The following TSHR variants were observed in gnomAD, a reference collection of about 807,000 sequenced individuals.
The protein encoded by TSHR is thyrotropin receptor.
TSHR carries 51 observed loss-of-function variants against 64.1 expected under a neutral mutation model. That is an observed-to-expected ratio of 0.80 (90% CI 0.64 to 1.01). TSHR has a LOEUF of 1.01. Among genes scored for constraint, TSHR ranks in the 50% least tolerant of loss-of-function variants. The pLI is 0.00. For missense variants in TSHR, 877 were observed against 942.8 expected (o/e 0.93, Z 0.91); for synonymous variants, 361 against 361.9 (o/e 1.00, Z 0.03).
chr14:81,068,904 T>C (rs1886856130), intron 3 of TSHR, among the ~76,000 whole-genome samples: 1 of 152,206 alleles, frequency 6.6e-6, no homozygotes, highest in African/African-American at 2.4e-5. Flanking sequence ...TATGGAATTA[T>C]ATAATATCTA....
chr14:81,053,392 A>G (rs1200817280), intron 1 of TSHR: 1 of 152,230 alleles, frequency 6.6e-6, no homozygotes, highest in East Asian at 1.9e-4. Context: ...TTCATATCCC[A>G]TGACCCAATC....
intron 7 of TSHR, 38 bp from the exon 8 acceptor site, chr14:81,108,337 A>G: frequency 1.7e-6 from 2 of 1,176,986 alleles, no homozygotes; most frequent in East Asian, 2.4e-5. Context: ...AAAATCACCT[A>G]ATTCATTCTC....
intron 3 of TSHR, chr14:81,087,733 C>T (rs186360396): frequency 2.3e-4 from 134 of 590,234 alleles, no homozygotes; most frequent in African/African-American, 2.1e-3. Context: ...GAAACCAAGC[C>T]AACAATGCAA....
At chr14:81,092,133 C>T (rs1408997721) in intron 5 of TSHR, among the ~76,000 whole-genome samples, 2 of 152,218 alleles carry the variant, frequency 1.3e-5, no homozygotes, top group Non-Finnish European at 2.9e-5. Flanking sequence ...TAGAAATACT[C>T]ATTAAATGAA....
chr14:81,082,233 A>C (rs534189874), intron 3 of TSHR, among the ~76,000 whole-genome samples: 1 of 152,354 alleles, frequency 6.6e-6, no homozygotes, highest in South Asian at 2.1e-4. Flanking sequence ...AAGTACAAAG[A>C]AAGTCATAAG....
At chr14:81,115,947 G>C (rs886423562) in intron 8 of TSHR, among the ~76,000 whole-genome samples, 2 of 152,044 alleles carry the variant, frequency 1.3e-5, no homozygotes, top group African/African-American at 2.4e-5. Context: ...ATAAGTGAAG[G>C]AGAAATAAAA....
At chr14:81,073,523 G>T (rs1887271875) in intron 3 of TSHR, among the ~76,000 whole-genome samples, 1 of 152,034 alleles carries the variant, frequency 6.6e-6, no homozygotes, top group Admixed American at 6.6e-5. Context: ...AAATCACCAT[G>T]TTCTCTAACT....
At chr14:81,112,827 C>T (rs1196334659) in intron 8 of TSHR, among the ~76,000 whole-genome samples, 3 of 152,158 alleles carry the variant, frequency 2.0e-5, no homozygotes, top group Non-Finnish European at 2.9e-5. Flanking sequence ...CAAAGACCCC[C>T]AGGTGAGAAT....
At chr14:81,091,431 T>A (rs139843576) in intron 5 of TSHR, among the ~76,000 whole-genome samples, 1 of 152,208 alleles carries the variant, frequency 6.6e-6, no homozygotes, top group Non-Finnish European at 1.5e-5. Flanking sequence ...GTTACCATAA[T>A]TAACTCTTTT....
intron 1 of TSHR, among the ~76,000 whole-genome samples, chr14:80,978,507 C>A (rs565248328): frequency 6.6e-6 from 1 of 152,190 alleles, no homozygotes; most frequent in African/African-American, 2.4e-5. Flanking sequence ...AAAATCTTGG[C>A]CAAACCAATG....
chr14:80,984,928 T>C lies in TSHR; in HGVS notation c.170+29078T>C, dbSNP rs547135193. Reference sequence around the variant, plus strand: ...TCCCCAAAGAGCTGAAATCATCCTGTACATTGTTTTATATCCTGAATTAAA... The same window carrying C: ...TCCCCAAAGAGCTGAAATCATCCTGCACATTGTTTTATATCCTGAATTAAA... On this transcript the variant is annotated intron_variant, in intron 1 of 9. Coordinates refer to ENST00000298171, the MANE Select transcript of TSHR (RefSeq NM_000369.5). 3.3e-5 allele frequency among the ~76,000 whole-genome samples: 5 copies of C among 152,254 alleles called. No individual in the cohort carries two copies. In the South Asian group the frequency reaches 8.3e-4, roughly 25 times the overall value.
chr14:81,094,503 C>T (rs1461666418), intron 6 of TSHR, among the ~76,000 whole-genome samples: 1 of 151,902 alleles, frequency 6.6e-6, no homozygotes, highest in African/African-American at 2.4e-5. Context: ...TATTGCAATC[C>T]TCACCCAGGA....
At chr14:81,005,363 A>T (rs1358847010) in intron 1 of TSHR, among the ~76,000 whole-genome samples, 2 of 152,188 alleles carry the variant, frequency 1.3e-5, no homozygotes, top group Non-Finnish European at 2.9e-5. Flanking sequence ...ATAATATACT[A>T]TGTAAATTAT....
rs199702292 is a variant in TSHR at position 81,143,280 on chromosome 14, T to C, written c.1222T>C (p.Cys408Arg). ...CTPKSDEFNP[C>R]EDIMGYKFLR... ...CCCCAAGTCCGATGAGTTCAACCCG[T>C]GTGAAGACATAATGGGCTACAAGTT... is the stretch of plus-strand genomic sequence containing the variant. Residue 408 changes from cysteine to arginine, a missense_variant, in exon 10 of 10, where the codon TGT (cysteine) becomes CGT (arginine). By Grantham distance (180) the Cys-to-Arg change is radical. Transcript: ENST00000298171. The C allele has an allele frequency of 7.4e-6, 12 of 1,614,162 alleles. No individual in the cohort carries two copies. The highest frequency in any genetic ancestry group is 3.3e-5 in the Admixed American group (2 of 60,032).
intron 1 of TSHR, chr14:80,982,411 A>T: frequency 3.2e-6 from 4 of 1,244,854 alleles, no homozygotes; most frequent in Non-Finnish European, 4.4e-6. Context: ...TAAACCTGAA[A>T]TTGGTGCCCA....
At chr14:81,012,366 G>T (rs1013325999) in intron 1 of TSHR, 6 of 151,510 alleles carry the variant, frequency 4.0e-5, no homozygotes, top group Non-Finnish European at 7.4e-5. Flanking sequence ...TTGGTTCCAA[G>T]TCTTTGCTAT....
intron 1 of TSHR, among the ~76,000 whole-genome samples, chr14:80,973,338 G>A (rs1443143359): frequency 6.9e-6 from 1 of 145,360 alleles, no homozygotes; most frequent in African/African-American, 2.5e-5. Flanking sequence ...CCCGGGGGGC[G>A]GAGCCTGCAG....
At chr14:81,114,758 C>A (rs573457857) in intron 8 of TSHR, among the ~76,000 whole-genome samples, 37 of 152,324 alleles carry the variant, frequency 2.4e-4, no homozygotes, top group African/African-American at 8.4e-4. Flanking sequence ...CAGCAGTAAC[C>A]TCCGCAGACT....
chr14:81,063,760 G>T lies in TSHR; in HGVS notation c.242+1541G>T, dbSNP rs1447539464. On this transcript the variant is annotated intron_variant, in intron 2 of 9. Coordinates refer to ENST00000298171, the MANE Select transcript of TSHR (RefSeq NM_000369.5). ...TCAGTTTTATTCCTAAGAGAGTGAT[G>T]AGTATCATGATGGGGTCAGTTATTG... is the stretch of plus-strand genomic sequence containing the variant. Among the ~76,000 whole-genome samples the T allele has an allele frequency of 3.3e-5, 5 of 152,074 alleles. 1 individual carries two copies. The highest frequency in any genetic ancestry group is 1.2e-4 in the African/African-American group (5 of 41,408).
Sources: allele counts gnomAD v4.1 joint callset (sites outside exome capture counted in the v4.1 genomes callset), GRCh38; gene constraint gnomAD v4.1.1; transcripts MANE v1.5; gene names NCBI Gene and HGNC (gene_info 2026-07-23, HGNC 2026-07-21).